FAM135B: variants seen among roughly 807,000 people sequenced by gnomAD.
FAM135B encodes the protein protein FAM135B.
FAM135B carries 43 observed loss-of-function variants against 127.7 expected under a neutral mutation model. The observed-to-expected ratio is 0.34, with a 90% CI of 0.26 to 0.43. FAM135B has a LOEUF of 0.43. Among genes scored for constraint, FAM135B ranks in the 20% least tolerant of loss-of-function variants. FAM135B has a pLI of 1.00. For synonymous variants in FAM135B, 670 were observed against 665.1 expected, an observed-to-expected ratio of 1.01 and a Z score of -0.11; for missense variants, 1,558 against 1,725.6, an observed-to-expected ratio of 0.90 and a Z score of 1.72.
intron 3 of FAM135B, among the ~76,000 whole-genome samples, chr8:138,288,995 G>T (rs1586976509): frequency 6.6e-6 from 1 of 152,116 alleles, no homozygotes; most frequent in South Asian, 2.1e-4. Flanking sequence ...ACAGGGTCCT[G>T]CCCAGCCAGT....
At chr8:138,380,498 T>A (rs540699623) in intron 1 of FAM135B, among the ~76,000 whole-genome samples, 32 of 152,260 alleles carry the variant, frequency 2.1e-4, no homozygotes, top group African/African-American at 6.5e-4. Flanking sequence ...CTGGCCACTA[T>A]ATAGGTTTTA....
intron 12 of FAM135B, among the ~76,000 whole-genome samples, chr8:138,153,776 C>A (rs1270446270): frequency 6.6e-6 from 1 of 152,144 alleles, no homozygotes; most frequent in Non-Finnish European, 1.5e-5. Flanking sequence ...AGTAGGTAAA[C>A]AAAGTGGCCA....
At chr8:138,333,834 C>T (rs1042638903) in intron 2 of FAM135B, among the ~76,000 whole-genome samples, 2 of 152,164 alleles carry the variant, frequency 1.3e-5, no homozygotes, top group African/African-American at 2.4e-5. Context: ...GACTGTTCAA[C>T]CTACTTATTT....
intron 1 of FAM135B, among the ~76,000 whole-genome samples, chr8:138,372,200 C>G (rs955023392): frequency 7.2e-5 from 11 of 152,328 alleles, no homozygotes; most frequent in African/African-American, 2.6e-4. Context: ...CCTCAGCTCA[C>G]CTGAAGTCGG....
chr8:138,365,442 C>T (rs1416919014), intron 2 of FAM135B, among the ~76,000 whole-genome samples: 4 of 152,200 alleles, frequency 2.6e-5, no homozygotes, highest in South Asian at 2.1e-4. Flanking sequence ...TATCTCAAGG[C>T]CCAATATCCA....
At chr8:138,181,569 T>C (rs1815039233) in intron 9 of FAM135B, among the ~76,000 whole-genome samples, 2 of 152,160 alleles carry the variant, frequency 1.3e-5, no homozygotes, top group African/African-American at 4.8e-5. Context: ...TTGTTCAGGC[T>C]GCTGGTCTCC....
chr8:138,412,748 C>G (rs1277700054), intron 1 of FAM135B, among the ~76,000 whole-genome samples: 1 of 152,186 alleles, frequency 6.6e-6, no homozygotes, highest in East Asian at 1.9e-4. Context: ...GAAATGGCAT[C>G]CTGAGATACA....
intron 11 of FAM135B, among the ~76,000 whole-genome samples, chr8:138,172,429 C>A (rs566934235): frequency 8.5e-5 from 13 of 152,352 alleles, no homozygotes; most frequent in African/African-American, 3.1e-4. Context: ...CTGCTTCCCA[C>A]CCTCAGACCT....
At chr8:138,496,087 C>G (rs541433807) in intron 1 of FAM135B, among the ~76,000 whole-genome samples, 1 of 152,200 alleles carries the variant, frequency 6.6e-6, no homozygotes, top group Non-Finnish European at 1.5e-5. Context: ...ACATGATACT[C>G]CTGTGTCCCA....
intron 7 of FAM135B, among the ~76,000 whole-genome samples, chr8:138,213,916 C>T (rs1386217013): frequency 6.7e-6 from 1 of 149,848 alleles, no homozygotes; most frequent in African/African-American, 2.5e-5. Context: ...GCTCTCAACC[C>T]AACTGGACTC....
rs973112475 is a variant in FAM135B at position 138,250,824 on chromosome 8, G to A, written c.542+17C>T. 1.9e-6 allele frequency: 3 copies of A among 1,612,448 alleles called. No homozygotes were observed. Among genetic ancestry groups the A allele is most frequent in the Non-Finnish European group, 2.5e-6 (3 of 1,179,452 alleles). On this transcript the variant is annotated intron_variant, in intron 6 of 19. Transcript: ENST00000395297. ...AAGGTGGCTCCCACATATCAGGGCTGCCTCTGAACTTCATACCTGATCAAT... is the reference window on the plus strand; with the variant it reads ...AAGGTGGCTCCCACATATCAGGGCTACCTCTGAACTTCATACCTGATCAAT...
At chr8:138,421,594 C>T (rs1834513723) in intron 1 of FAM135B, among the ~76,000 whole-genome samples, 1 of 152,090 alleles carries the variant, frequency 6.6e-6, no homozygotes, top group African/African-American at 2.4e-5. Context: ...TGTCAAAGAA[C>T]TCTACAGCAA....
intron 5 of FAM135B, among the ~76,000 whole-genome samples, chr8:138,255,026 CTTT>C (rs5895505): frequency 7.6e-5 from 9 of 118,674 alleles, no homozygotes; most frequent in Non-Finnish European, 6.8e-5. Flanking sequence ...GAAATCTGAA[CTTT>C]TTTTTTTTTT....
intron 3 of FAM135B, among the ~76,000 whole-genome samples, chr8:138,293,399 A>T (rs1017631539): frequency 6.6e-6 from 1 of 152,176 alleles, no homozygotes; most frequent in African/African-American, 2.4e-5. Flanking sequence ...AGATAAATAG[A>T]TGAGTCCTAA....
chr8:138,282,979 CA>C (rs1175575201), intron 3 of FAM135B, among the ~76,000 whole-genome samples: 1 of 151,906 alleles, frequency 6.6e-6, no homozygotes, highest in Non-Finnish European at 1.5e-5. Context: ...CGGCTTACTG[CA>C]ACCTCCGCCT....
At chr8:138,442,153 T>C (rs1269816580) in intron 1 of FAM135B, among the ~76,000 whole-genome samples, 1 of 145,864 alleles carries the variant, frequency 6.9e-6, no homozygotes, top group Admixed American at 7.1e-5. Flanking sequence ...CCAAGGTATA[T>C]GAAATAGAAC....
intron 1 of FAM135B, among the ~76,000 whole-genome samples, chr8:138,373,502 G>T (rs1050180621): frequency 7.3e-5 from 11 of 151,124 alleles, no homozygotes; most frequent in Non-Finnish European, 1.3e-4. Flanking sequence ...AAATTGTAGA[G>T]CATATGTGTT....
At chr8:138,457,889 A>G (rs1262692315) in intron 1 of FAM135B, among the ~76,000 whole-genome samples, 1 of 151,784 alleles carries the variant, frequency 6.6e-6, no homozygotes, top group Non-Finnish European at 1.5e-5. Context: ...CGGCAGGAGA[A>G]TCACTTGATC....
In FAM135B at chr8:138,233,777, G is replaced by A. The variant is rs368091202; in HGVS notation, c.669+9165C>T. Among the ~76,000 whole-genome samples the A allele has an allele frequency of 7.9e-5, 12 of 151,736 alleles. No homozygotes were observed. In the East Asian group the frequency reaches 1.7e-3, roughly 22 times the overall value. On this transcript the variant is annotated intron_variant, in intron 7 of 19. Transcript: ENST00000395297. ...TTTGCAAACCACATATCCAATAAGG[G>A]GTTAATATCCAAAATACATAAGGAA...
Sources: allele counts gnomAD v4.1 joint callset (sites outside exome capture counted in the v4.1 genomes callset), GRCh38; gene constraint gnomAD v4.1.1; transcripts MANE v1.5; gene names NCBI Gene and HGNC (gene_info 2026-07-23, HGNC 2026-07-21).